Variants in RBMS3 observed in about 807,000 individuals in gnomAD.
RBMS3 encodes RNA-binding motif, single-stranded-interacting protein 3.
In RBMS3, 27 loss-of-function variants were observed where a neutral mutation model predicts 66.8. The observed-to-expected ratio is 0.40, with a 90% CI of 0.30 to 0.56. The LOEUF (loss-of-function observed/expected upper bound fraction) is 0.56, where lower values mean the gene tolerates loss of function less well. Among genes scored for constraint, RBMS3 ranks in the 20% least tolerant of loss-of-function variants. RBMS3 has a pLI of 0.40. For synonymous variants in RBMS3, 188 were observed against 183.0 expected (o/e 1.03, Z -0.22); for missense variants, 513 against 549.5 (o/e 0.93, Z 0.66).
chr3:29,362,886 A>T (rs9784372), intron 1 of RBMS3, among the ~76,000 whole-genome samples: 11,666 of 152,218 alleles, frequency 0.077, 783 homozygotes, highest in African/African-American at 0.18. Context: ...TTTGGTAGAA[A>T]CCCATTTGGG....
chr3:29,801,704 A>AT (rs948695455), intron 6 of RBMS3, among the ~76,000 whole-genome samples: 3 of 152,028 alleles, frequency 2.0e-5, no homozygotes, highest in African/African-American at 4.8e-5. Context: ...TTCTCACTGT[A>AT]TTTTTTTTAT....
rs545887322 is a variant in RBMS3 at position 29,438,671 on chromosome 3, G to A, written c.248+3756G>A. Among the ~76,000 whole-genome samples, 122 of 152,300 alleles carry A rather than the reference G, an allele frequency of 8.0e-4. 1 individual carries two copies. Among genetic ancestry groups the A allele is most frequent in the African/African-American group, 2.9e-3 (119 of 41,580 alleles). ...AATACATTATACTGTGCGTAGCGTA[G>A]AAAATAGTATAGTTAAAAACCTTGT... On this transcript the variant is annotated intron_variant, in intron 2 of 14. Transcript: ENST00000383767.
intron 12 of RBMS3, among the ~76,000 whole-genome samples, chr3:29,969,156 C>A (rs1415100735): frequency 6.6e-6 from 1 of 152,142 alleles, no homozygotes; most frequent in Non-Finnish European, 1.5e-5. Context: ...GCAACTGAGT[C>A]TGATTGACAG....
chr3:29,475,745 A>G (rs976580846), intron 2 of RBMS3, among the ~76,000 whole-genome samples: 12 of 152,204 alleles, frequency 7.9e-5, no homozygotes, highest in African/African-American at 2.9e-4. Flanking sequence ...AAAGATTCAT[A>G]GTCATAGATA....
intron 12 of RBMS3, among the ~76,000 whole-genome samples, chr3:29,966,146 A>C (rs1463340277): frequency 6.6e-6 from 1 of 152,082 alleles, no homozygotes; most frequent in Admixed American, 6.6e-5. Context: ...ATAGTTTAAA[A>C]TCAGGTGGTG....
At chr3:29,990,992 G>GCC (rs1698827570) in intron 13 of RBMS3, 90 bp from the exon 14 acceptor site, 1 of 1,310,952 alleles carries the variant, frequency 7.6e-7, no homozygotes, top group African/African-American at 1.5e-5. Context: ...CTCTACTTAA[G>GCC]CCAAATAGAA....
chr3:29,911,791 T>A, intron 10 of RBMS3, among the ~76,000 whole-genome samples: 1 of 152,080 alleles, frequency 6.6e-6, no homozygotes. Flanking sequence ...TATGTCTACA[T>A]GAGTTTCTTT....
chr3:29,563,889 T>G lies in RBMS3; in HGVS notation c.308-23225T>G, dbSNP rs551633770. ...AAAATTAGCCAGGTATTGTGGCATGTACCTGTGGTTTCAGCTCCTCAGGAG... is the reference window on the plus strand; with the variant it reads ...AAAATTAGCCAGGTATTGTGGCATGGACCTGTGGTTTCAGCTCCTCAGGAG... On this transcript the variant is annotated intron_variant, in intron 3 of 14. Coordinates refer to ENST00000383767, the MANE Select transcript of RBMS3 (RefSeq NM_001003793.3). 3.9e-5 allele frequency among the ~76,000 whole-genome samples: 6 copies of G among 151,920 alleles called. No homozygotes were observed. In the East Asian group the frequency reaches 1.2e-3, roughly 30 times the overall value.
intron 6 of RBMS3, among the ~76,000 whole-genome samples, chr3:29,826,613 C>T (rs1201467772): frequency 6.6e-6 from 1 of 152,104 alleles, no homozygotes; most frequent in Non-Finnish European, 1.5e-5. Context: ...AAATGGCTCT[C>T]ACAGGGCTGT....
chr3:29,317,054 T>C (rs1241271088), intron 1 of RBMS3, among the ~76,000 whole-genome samples: 1 of 151,774 alleles, frequency 6.6e-6, no homozygotes, highest in Non-Finnish European at 1.5e-5. Flanking sequence ...TTCATTCTTT[T>C]GTCAAAACGT....
chr3:29,432,752 G>A (rs2041256307), intron 1 of RBMS3, among the ~76,000 whole-genome samples: 1 of 152,186 alleles, frequency 6.6e-6, no homozygotes, highest in African/African-American at 2.4e-5. Context: ...ATACCAGAGT[G>A]TTGTAGGATG....
intron 4 of RBMS3, among the ~76,000 whole-genome samples, chr3:29,713,445 TC>T (rs2149309653): frequency 6.6e-6 from 1 of 152,254 alleles, no homozygotes; most frequent in South Asian, 2.1e-4. Flanking sequence ...GAAAATTATT[TC>T]TTCCTGGTTC....
chr3:29,939,676 C>T (rs371515734), intron 11 of RBMS3, among the ~76,000 whole-genome samples: 1 of 152,000 alleles, frequency 6.6e-6, no homozygotes. Flanking sequence ...GCCATTCCTT[C>T]TTCTCTTCCT....
At chr3:29,471,580 G>C (rs2042727134) in intron 2 of RBMS3, among the ~76,000 whole-genome samples, 2 of 152,098 alleles carry the variant, frequency 1.3e-5, no homozygotes, top group Admixed American at 6.5e-5. Flanking sequence ...GAAAAATCGT[G>C]TAGCCTTGAA....
chr3:29,524,807 C>A (rs932757406), intron 3 of RBMS3, among the ~76,000 whole-genome samples: 1 of 151,956 alleles, frequency 6.6e-6, no homozygotes, highest in African/African-American at 2.4e-5. Flanking sequence ...AATCCCAGCA[C>A]TTTGGGAGGC....
chr3:29,503,054 C>T (rs888051700), intron 3 of RBMS3, among the ~76,000 whole-genome samples: 2 of 152,072 alleles, frequency 1.3e-5, no homozygotes, highest in South Asian at 2.1e-4. Flanking sequence ...AAATAGCTTG[C>T]GTGTAGTTGT....
intron 6 of RBMS3, among the ~76,000 whole-genome samples, chr3:29,809,882 T>C (rs1464485799): frequency 2.0e-5 from 3 of 152,114 alleles, no homozygotes; most frequent in African/African-American, 7.2e-5. Flanking sequence ...AAGCAGCATC[T>C]GTTTCAAGTA....
chr3:29,869,642 G>C (rs1013212337), intron 7 of RBMS3, among the ~76,000 whole-genome samples: 53 of 152,234 alleles, frequency 3.5e-4, no homozygotes, highest in African/African-American at 1.2e-3. Context: ...TATGGATCCA[G>C]TGCCACTTAG....
intron 3 of RBMS3, among the ~76,000 whole-genome samples, chr3:29,503,165 G>C (rs2044042016): frequency 6.6e-6 from 1 of 152,184 alleles, no homozygotes; most frequent in Non-Finnish European, 1.5e-5. Flanking sequence ...TTAATCCAAA[G>C]ACTTTTATGT....
Sources: allele counts gnomAD v4.1 joint callset (sites outside exome capture counted in the v4.1 genomes callset), GRCh38; gene constraint gnomAD v4.1.1; transcripts MANE v1.5; gene names NCBI Gene and HGNC (gene_info 2026-07-23, HGNC 2026-07-21).